GABRR2: variants seen among roughly 807,000 people sequenced by gnomAD.
GABRR2 encodes the protein gamma-aminobutyric acid type A receptor subunit rho2.
In GABRR2, 36 loss-of-function variants were observed where a neutral mutation model predicts 47.0. The observed-to-expected ratio is 0.77, with a 90% CI of 0.59 to 1.01. GABRR2 has a LOEUF of 1.01. Among genes scored for constraint, GABRR2 ranks in the 50% least tolerant of loss-of-function variants. The pLI is 0.00. For synonymous variants in GABRR2, 204 were observed against 227.5 expected (o/e 0.90, Z 0.93); for missense variants, 587 against 594.6 (o/e 0.99, Z 0.13).
At chr6:89,287,527 T>A (rs991855373) in intron 2 of GABRR2, among the ~76,000 whole-genome samples, 2 of 152,254 alleles carry the variant, frequency 1.3e-5, no homozygotes, top group African/African-American at 2.4e-5. Context: ...GCCTTTGCAG[T>A]GCTGCATGCA....
intron 1 of GABRR2, 118 bp from the exon 2 acceptor site, chr6:89,299,983 C>G: frequency 1.5e-6 from 1 of 680,344 alleles, no homozygotes; most frequent in Non-Finnish European, 2.6e-6. Flanking sequence ...CATTCTACTT[C>G]TTGGCCCAGG....
intron 2 of GABRR2, among the ~76,000 whole-genome samples, chr6:89,277,647 T>TAA (rs201148258): frequency 2.0e-5 from 3 of 146,864 alleles, no homozygotes; most frequent in Admixed American, 2.0e-4. Flanking sequence ...ATCTAAAATC[T>TAA]AAAAAAAAAA....
At chr6:89,283,914 C>T (rs1001839750) in intron 2 of GABRR2, among the ~76,000 whole-genome samples, 15 of 152,146 alleles carry the variant, frequency 9.9e-5, no homozygotes. Context: ...GAAGGATAGT[C>T]ATGTGGAAGA....
At chr6:89,295,181 G>T (rs1404294754) in intron 2 of GABRR2, among the ~76,000 whole-genome samples, 19 of 152,242 alleles carry the variant, frequency 1.2e-4, no homozygotes, top group African/African-American at 4.3e-4. Context: ...GGGTCAAATG[G>T]TATTTCTAGT....
At chr6:89,300,597 A>C (rs556359612) in intron 1 of GABRR2, among the ~76,000 whole-genome samples, 71 of 152,260 alleles carry the variant, frequency 4.7e-4, no homozygotes, top group Non-Finnish European at 7.8e-4. Flanking sequence ...CTGTGTACAC[A>C]AACTAGAAAA....
At chr6:89,314,020 G>T (rs1582470222) in intron 1 of GABRR2, among the ~76,000 whole-genome samples, 1 of 141,308 alleles carries the variant, frequency 7.1e-6, no homozygotes, top group African/African-American at 2.6e-5. Context: ...TATATTCAGG[G>T]TTTTTTTTTT....
intron 1 of GABRR2, among the ~76,000 whole-genome samples, chr6:89,308,193 G>A (rs1767604205): frequency 6.6e-6 from 1 of 152,094 alleles, no homozygotes; most frequent in Non-Finnish European, 1.5e-5. Context: ...CTCTCTGGAG[G>A]TTCTGATCTT....
At chr6:89,302,159 G>T in intron 1 of GABRR2, 1 of 575,420 alleles carries the variant, frequency 1.7e-6, no homozygotes, top group Non-Finnish European at 3.4e-6. Flanking sequence ...TGAGAACTGC[G>T]ACGGTCTGTA....
intron 6 of GABRR2, among the ~76,000 whole-genome samples, chr6:89,266,218 A>G (rs1374242541): frequency 2.6e-5 from 4 of 152,176 alleles, no homozygotes; most frequent in Admixed American, 2.6e-4. Context: ...GTGTGCCACC[A>G]TGCCCAGCTA....
In GABRR2 at chr6:89,268,038, T is replaced by C; in HGVS notation, c.571A>G (p.Thr191Ala). The change falls in exon 5 of 9, where the codon ACC becomes GCC. Residue 191 changes from threonine (T) to alanine (A), a missense_variant. Coordinates refer to ENST00000402938, the MANE Select transcript of GABRR2 (RefSeq NM_002043.5). ...CAGCTCTCCAGCTCCAAAGAACAGG[T>C]CTGGGAGTCCAGGGGAAAGTGGCTG... The part of the protein sequence containing the change: ...DFSHFPLDSQ[T>A]CSLELESYAY... 1 of 1,612,070 alleles carries C rather than the reference T, an allele frequency of 6.2e-7. No homozygotes were observed.
chr6:89,260,315 T>C (rs1235622891), intron 8 of GABRR2, among the ~76,000 whole-genome samples: 1 of 152,226 alleles, frequency 6.6e-6, no homozygotes, highest in East Asian at 1.9e-4. Flanking sequence ...TTCTTCTCCT[T>C]GCTCTAAACT....
intron 1 of GABRR2, among the ~76,000 whole-genome samples, chr6:89,311,217 T>C (rs1330027315): frequency 6.6e-6 from 1 of 152,328 alleles, no homozygotes; most frequent in African/African-American, 2.4e-5. Flanking sequence ...TAGCAGATCA[T>C]AGACATTAAA....
Position 89,293,312 on chromosome 6 carries a change from A to C in GABRR2, c.220+6447T>G, listed in dbSNP as rs549430957. On this transcript the variant is annotated intron_variant, in intron 2 of 8. Coordinates refer to ENST00000402938, the MANE Select transcript of GABRR2 (RefSeq NM_002043.5). ...TGAAGGGGTGACAGAGAAATAGGGA[A>C]TTCTTGTTTAATGAATATAGAGTTT... is the stretch of plus-strand genomic sequence containing the variant. Among the ~76,000 whole-genome samples, 5 of 152,292 alleles carry C rather than the reference A, an allele frequency of 3.3e-5. No individual in the cohort carries two copies. In the East Asian group the frequency reaches 9.6e-4, roughly 29 times the overall value.
chr6:89,294,065 T>C (rs1182194428), intron 2 of GABRR2, among the ~76,000 whole-genome samples: 1 of 152,228 alleles, frequency 6.6e-6, no homozygotes, highest in Non-Finnish European at 1.5e-5. Context: ...TTTTAAAAAA[T>C]ATTTTGTTTA....
intron 3 of GABRR2, among the ~76,000 whole-genome samples, chr6:89,269,555 T>G (rs1773996607): frequency 6.6e-6 from 1 of 152,248 alleles, no homozygotes; most frequent in Admixed American, 6.5e-5. Flanking sequence ...CTCTCTCACT[T>G]AGACCTCTGC....
intron 2 of GABRR2, among the ~76,000 whole-genome samples, chr6:89,289,147 G>A (rs965209533): frequency 1.3e-5 from 2 of 152,352 alleles, no homozygotes; most frequent in South Asian, 2.1e-4. Context: ...GGGGTGCTGT[G>A]AACAAATGCT....
At chr6:89,304,128 T>G (rs1767511217) in intron 1 of GABRR2, among the ~76,000 whole-genome samples, 1 of 152,026 alleles carries the variant, frequency 6.6e-6, no homozygotes, top group African/African-American at 2.4e-5. Context: ...ACTTAAGAGC[T>G]TCTGCACAAA....
At position 89,255,022 on chromosome 6, in the gene GABRR2, G is replaced by C. The variant is rs549179145; in HGVS notation, c.*2648C>G. Among the ~76,000 whole-genome samples the C allele has an allele frequency of 1.2e-4, 19 of 152,300 alleles. No individual in the cohort carries two copies. Among genetic ancestry groups the C allele is most frequent in the Non-Finnish European group, 2.8e-4 (19 of 68,024 alleles). On this transcript the variant is annotated 3_prime_UTR_variant, in exon 9 of 9. Coordinates refer to ENST00000402938, the MANE Select transcript of GABRR2 (RefSeq NM_002043.5). ...AGCCATAATGCATGAAAACAATGCA[G>C]TCAGAAGCAGAGAAGGGTTGGAATT...
intron 2 of GABRR2, among the ~76,000 whole-genome samples, chr6:89,276,611 C>T (rs551929227): frequency 6.6e-6 from 1 of 151,960 alleles, no homozygotes; most frequent in Admixed American, 6.5e-5. Flanking sequence ...ACAAGAATGC[C>T]ATTGATGCCA....
Sources: gnomAD v4.1 joint callset for allele counts (sites outside exome capture counted in the v4.1 genomes callset) on GRCh38, gnomAD v4.1.1 for gene constraint, MANE v1.5 for transcripts, NCBI Gene and HGNC (gene_info 2026-07-23, HGNC 2026-07-21) for gene names.